Variants in WDR3 observed in about 807,000 individuals in gnomAD.
The protein encoded by WDR3 is WD repeat-containing protein 3.
WDR3 carries 81 observed loss-of-function variants against 123.7 expected under a neutral mutation model. The ratio of observed to expected loss-of-function variants is 0.65; its 90% CI spans 0.55 to 0.79. The LOEUF (loss-of-function observed/expected upper bound fraction) is 0.79. WDR3 is among the 30% of genes least tolerant of loss of function. The probability of loss-of-function intolerance (pLI) is 0.00; values close to 1 mark genes in which losing one functional copy is unlikely to be tolerated. For missense variants in WDR3, 1,027 were observed against 1,123.2 expected, an observed-to-expected ratio of 0.91 and a Z score of 1.22; for synonymous variants, 390 against 388.8, an observed-to-expected ratio of 1.00 and a Z score of -0.04.
In WDR3 at chr1:117,959,623, G is replaced by T; in HGVS notation, c.*176G>T. 1.7e-6 allele frequency: 1 copy of T among 583,170 alleles called. No individual in the cohort carries two copies. Among genetic ancestry groups the T allele is most frequent in the Non-Finnish European group, 2.7e-6 (1 of 369,696 alleles). 36.1% of individuals were successfully genotyped at this position (583,170 alleles called of 1,614,324 possible). On this transcript the variant is annotated 3_prime_UTR_variant, in exon 27 of 27. Transcript: ENST00000349139. ...AGGGAATTCCAACATGAGATTATGG[G>T]CTGGCTCCATTTCTTGGACTTAAAA... is the stretch of plus-strand genomic sequence containing the variant.
intron 11 of WDR3, 94 bp from the exon 12 acceptor site, chr1:117,945,992 G>T: frequency 2.7e-6 from 2 of 739,212 alleles, no homozygotes; most frequent in South Asian, 6.8e-5. Context: ...CTTTTATGTT[G>T]ATCTGTCTAA....
At chr1:117,937,934 CA>C (rs1651002927) in intron 4 of WDR3, among the ~76,000 whole-genome samples, 1 of 152,182 alleles carries the variant, frequency 6.6e-6, no homozygotes, top group African/African-American at 2.4e-5. Context: ...GGTTATCTGA[CA>C]GTTGCACATT....
intron 18 of WDR3, 45 bp from the exon 19 acceptor site, chr1:117,952,483 G>A: frequency 6.3e-7 from 1 of 1,599,956 alleles, no homozygotes; most frequent in African/African-American, 1.3e-5. Flanking sequence ...CCACTAAGTA[G>A]TGGTCAATGA....
At position 117,966,470 on chromosome 1, in the gene WDR3, GCT is replaced by G. The variant is rs879241458; in HGVS notation, c.*7026_*7027del. ...GGTGCTTTCAAAGATGAATGAAGAT[GCT>G]CTTTGTCTTAATAAATTTAACTCTG... is the stretch of plus-strand genomic sequence containing the variant. On this transcript the variant is annotated 3_prime_UTR_variant, in exon 27 of 27. Coordinates refer to ENST00000349139, the MANE Select transcript of WDR3 (RefSeq NM_006784.3). 16 of 834,268 alleles carry G rather than the reference GCT, an allele frequency of 1.9e-5. No homozygotes were observed. In the South Asian group the frequency reaches 4.2e-4, roughly 22 times the overall value. 51.7% of individuals were successfully genotyped at this position (834,268 alleles called of 1,614,324 possible). A position where few individuals can be genotyped will look rare whatever the true frequency, so the allele number is the denominator to read the frequency against.
In WDR3 at chr1:117,958,908, A is replaced by C. The variant is rs1652623058; in HGVS notation, c.2583-2A>C. The C allele has an allele frequency of 1.9e-6, 3 of 1,612,702 alleles. No individual in the cohort carries two copies. On this transcript the variant is annotated splice_acceptor_variant, in intron 25 of 26. Coordinates refer to ENST00000349139, the MANE Select transcript of WDR3 (RefSeq NM_006784.3). LOFTEE classifies it high-confidence loss of function. ...CATGGCTGTGTTTTGTTTTTCTATC[A>C]GGATTCACTTTGGACAGATCACTAG...
chr1:117,932,280 G>C (rs1650758199), intron 1 of WDR3, among the ~76,000 whole-genome samples: 1 of 152,190 alleles, frequency 6.6e-6, no homozygotes, highest in Non-Finnish European at 1.5e-5. Flanking sequence ...TGGCTGCTCT[G>C]ATTTTGAAAT....
rs1652759171 is a variant in WDR3, at chr1:117,959,618, T to A, written c.*171T>A. The A allele has an allele frequency of 1.6e-6, 1 of 618,718 alleles. No individual in the cohort carries two copies. Among genetic ancestry groups the A allele is most frequent in the Non-Finnish European group, 2.5e-6 (1 of 396,218 alleles). The allele number at this position is 618,718 out of a possible 1,614,324, so 38.3% of individuals were successfully genotyped here. A position where few individuals can be genotyped will look rare whatever the true frequency, so the allele number is the denominator to read the frequency against. ...GCCTGAGGGAATTCCAACATGAGATTATGGGCTGGCTCCATTTCTTGGACT... is the reference window on the plus strand; with the variant it reads ...GCCTGAGGGAATTCCAACATGAGATAATGGGCTGGCTCCATTTCTTGGACT... On this transcript the variant is annotated 3_prime_UTR_variant, in exon 27 of 27. Coordinates refer to ENST00000349139, the MANE Select transcript of WDR3 (RefSeq NM_006784.3).
Position 117,965,067 on chromosome 1 carries a change from C to T in WDR3, c.*5620C>T, listed in dbSNP as rs1350534523. 1.3e-5 allele frequency: 2 copies of T among 152,176 alleles called. No homozygotes were observed. The allele number at this position is 152,176 out of a possible 1,614,324, so 9.4% of individuals were successfully genotyped here. A position where few individuals can be genotyped will look rare whatever the true frequency, so the allele number is the denominator to read the frequency against. On this transcript the variant is annotated 3_prime_UTR_variant, in exon 27 of 27. Coordinates refer to ENST00000349139, the MANE Select transcript of WDR3 (RefSeq NM_006784.3). ...CTGTTGCATCCTTGAGTAACATATT[C>T]TCTTGCTCTTTCCTTTAATAAATTT...
chr1:117,948,950 A>T (rs1408313805), intron 13 of WDR3, among the ~76,000 whole-genome samples: 1 of 152,182 alleles, frequency 6.6e-6, no homozygotes, highest in Non-Finnish European at 1.5e-5. Flanking sequence ...TGCTTATTCT[A>T]ATAATGGTGC....
intron 1 of WDR3, among the ~76,000 whole-genome samples, chr1:117,932,430 G>C (rs1650762641): frequency 6.6e-6 from 1 of 152,230 alleles, no homozygotes. Flanking sequence ...GGTGCTGGGA[G>C]AAGAGATGAG....
Position 117,962,177 on chromosome 1 carries a change from T to A in WDR3, c.*2730T>A, listed in dbSNP as rs553705230. On this transcript the variant is annotated 3_prime_UTR_variant, in exon 27 of 27. Coordinates refer to ENST00000349139, the MANE Select transcript of WDR3 (RefSeq NM_006784.3). Reference sequence around the variant, plus strand: ...AGATGTTTCTGTCTGCTAAGTGTTATACTAATCGAAGAGAAGGAGAACTTT... The same window carrying A: ...AGATGTTTCTGTCTGCTAAGTGTTAAACTAATCGAAGAGAAGGAGAACTTT... The A allele has an allele frequency of 6.6e-6, 1 of 152,180 alleles. No homozygotes were observed. The highest frequency in any genetic ancestry group is 2.1e-4 in the South Asian group (1 of 4,826). 9.4% of individuals were successfully genotyped at this position (152,180 alleles called of 1,614,324 possible). A position where few individuals can be genotyped will look rare whatever the true frequency, so the allele number is the denominator to read the frequency against.
chr1:117,938,568 G>A lies in WDR3; in HGVS notation c.579+10G>A, dbSNP rs371392397. 20 of 1,612,132 alleles carry A rather than the reference G, an allele frequency of 1.2e-5. No individual in the cohort carries two copies. The African/African-American group carries it at 2.5e-4, about 20-fold the overall frequency. ...TGGCCACCGGACTGAGGTAAGTGTAGGGTCATGGGCCCAGGGAAATAATGG... is the reference window on the plus strand; with the variant it reads ...TGGCCACCGGACTGAGGTAAGTGTAAGGTCATGGGCCCAGGGAAATAATGG... On this transcript the variant is annotated intron_variant, in intron 5 of 26. Transcript: ENST00000349139.
chr1:117,934,741 A>G (rs1650856503), intron 3 of WDR3, 59 bp downstream of exon 3: 2 of 1,579,780 alleles, frequency 1.3e-6, no homozygotes, highest in Non-Finnish European at 8.6e-7. Context: ...GCTTATGCTG[A>G]AGCAAGTTGT....
At chr1:117,941,920 C>T in intron 9 of WDR3, 73 bp downstream of exon 9, 1 of 1,477,734 alleles carries the variant, frequency 6.8e-7, no homozygotes, top group Non-Finnish European at 8.9e-7. Flanking sequence ...AAAAAACTGG[C>T]TTCTTTCATA....
chr1:117,934,541 A>C lies in WDR3; in HGVS notation c.240A>C (p.Leu80Phe). The C allele has an allele frequency of 1.2e-6, 2 of 1,614,116 alleles. No individual in the cohort carries two copies. The highest frequency in any genetic ancestry group is 1.7e-6 in the Non-Finnish European group (2 of 1,180,014). Residue 80 changes from leucine to phenylalanine, a missense_variant, in exon 3 of 27, where the codon TTA becomes TTC. Leu to Phe is a conservative substitution (Grantham distance 22). Coordinates refer to ENST00000349139, the MANE Select transcript of WDR3 (RefSeq NM_006784.3). ...GCCCCTCCCCAGATGGGCTACACTT[A>C]GCTGTTGGGTATGAGGATGGGTCGA... The part of the protein sequence containing the change: ...CLCPSPDGLH[L>F]AVGYEDGSIR...
At chr1:117,940,594 G>C (rs1651109001) in intron 6 of WDR3, among the ~76,000 whole-genome samples, 2 of 152,068 alleles carry the variant, frequency 1.3e-5, no homozygotes. Flanking sequence ...CAAGCACAGT[G>C]GTGTGTGCCT....
At position 117,963,715 on chromosome 1, in the gene WDR3, A is replaced by G. The variant is rs1453846896; in HGVS notation, c.*4268A>G. 1.8e-5 allele frequency: 23 copies of G among 1,314,158 alleles called. No homozygotes were observed. Among genetic ancestry groups the G allele is most frequent in the South Asian group, 2.9e-5 (2 of 68,446 alleles). The allele number at this position is 1,314,158 out of a possible 1,614,324, so 81.4% of individuals were successfully genotyped here. ...CCAGGTGGCTTATAGGTTTCTGACT[A>G]TAAGAAGAGGGGAAGAAACCTGGGG... On this transcript the variant is annotated 3_prime_UTR_variant, in exon 27 of 27. Transcript: ENST00000349139.
At chr1:117,950,241 C>T in intron 15 of WDR3, 111 bp downstream of exon 15, 1 of 1,260,398 alleles carries the variant, frequency 7.9e-7, no homozygotes, top group Non-Finnish European at 1.1e-6. Context: ...TAGTACATTT[C>T]TAAAAATGTG....
intron 12 of WDR3, among the ~76,000 whole-genome samples, chr1:117,947,276 A>C (rs1419360322): frequency 6.6e-6 from 1 of 152,216 alleles, no homozygotes; most frequent in East Asian, 1.9e-4. Context: ...ATAAAATGGA[A>C]CAAGGTCTAT....
Sources: gnomAD v4.1 joint callset for allele counts (sites outside exome capture counted in the v4.1 genomes callset) on GRCh38, gnomAD v4.1.1 for gene constraint, MANE v1.5 for transcripts, NCBI Gene and HGNC (gene_info 2026-07-23, HGNC 2026-07-21) for gene names.